Variants in ST6GALNAC5 observed in about 807,000 individuals in gnomAD.
The protein encoded by ST6GALNAC5 is alpha-N-acetylgalactosaminide alpha-2,6-sialyltransferase 5.
A neutral mutation model predicts 33.6 loss-of-function variants in ST6GALNAC5; 27 were observed. The ratio of observed to expected loss-of-function variants is 0.80; its 90% CI spans 0.59 to 1.11. The LOEUF (loss-of-function observed/expected upper bound fraction) is 1.11. ST6GALNAC5 is among the 50% of genes least tolerant of loss of function. The pLI is 0.00. For synonymous variants in ST6GALNAC5, 194 were observed against 171.2 expected, an observed-to-expected ratio of 1.13 and a Z score of -1.04; for missense variants, 428 against 454.0, an observed-to-expected ratio of 0.94 and a Z score of 0.52.
At chr1:77,036,500 C>G (rs1433361510) in intron 2 of ST6GALNAC5, among the ~76,000 whole-genome samples, 1 of 152,166 alleles carries the variant, frequency 6.6e-6, no homozygotes, top group Non-Finnish European at 1.5e-5. Flanking sequence ...TTTCCTGCAC[C>G]TCCCTCTGAA....
intron 3 of ST6GALNAC5, among the ~76,000 whole-genome samples, chr1:77,045,829 T>C (rs567388919): frequency 3.4e-4 from 52 of 152,136 alleles, no homozygotes; most frequent in African/African-American, 1.2e-3. Flanking sequence ...GCTGGACAAA[T>C]CTAGGTGAAG....
At chr1:77,054,163 C>T (rs966992603) in intron 4 of ST6GALNAC5, among the ~76,000 whole-genome samples, 37 of 152,266 alleles carry the variant, frequency 2.4e-4, no homozygotes, top group African/African-American at 8.4e-4. Flanking sequence ...ACTCAGTTGA[C>T]CACAATTAAA....
chr1:76,973,851 C>T (rs1648869394), intron 2 of ST6GALNAC5, among the ~76,000 whole-genome samples: 1 of 152,028 alleles, frequency 6.6e-6, no homozygotes. Flanking sequence ...AAGATGCCAA[C>T]CTTTTCCTAA....
At chr1:76,891,844 C>T (rs1654019872) in intron 2 of ST6GALNAC5, among the ~76,000 whole-genome samples, 1 of 152,106 alleles carries the variant, frequency 6.6e-6, no homozygotes, top group African/African-American at 2.4e-5. Context: ...TCTGCTTTCC[C>T]CTATTCAATT....
chr1:76,974,379 A>T (rs1246579155), intron 2 of ST6GALNAC5, among the ~76,000 whole-genome samples: 2 of 151,672 alleles, frequency 1.3e-5, no homozygotes, highest in Non-Finnish European at 2.9e-5. Context: ...TTGATTTTTT[A>T]AATTTTTTTG....
At chr1:76,872,849 C>G (rs1044779850) in intron 2 of ST6GALNAC5, among the ~76,000 whole-genome samples, 1 of 152,088 alleles carries the variant, frequency 6.6e-6, no homozygotes, top group African/African-American at 2.4e-5. Context: ...ATGATGAAAC[C>G]CTGTTACCAC....
At chr1:76,884,633 C>G (rs1483031759) in intron 2 of ST6GALNAC5, among the ~76,000 whole-genome samples, 1 of 152,100 alleles carries the variant, frequency 6.6e-6, no homozygotes, top group East Asian at 1.9e-4. Context: ...AGAAATGACA[C>G]CAGTTTGCTT....
chr1:76,875,540 G>A (rs540618915), intron 2 of ST6GALNAC5, among the ~76,000 whole-genome samples: 1 of 152,248 alleles, frequency 6.6e-6, no homozygotes, highest in African/African-American at 2.4e-5. Flanking sequence ...TGTCCAGGTG[G>A]CAATCTTAAC....
chr1:77,056,994 T>C (rs1321899321), intron 4 of ST6GALNAC5, among the ~76,000 whole-genome samples: 5 of 152,204 alleles, frequency 3.3e-5, no homozygotes, highest in Non-Finnish European at 7.3e-5. Context: ...AGGAATGTTT[T>C]CTTCTCAATG....
intron 2 of ST6GALNAC5, among the ~76,000 whole-genome samples, chr1:76,948,071 A>G (rs971920572): frequency 1.3e-5 from 2 of 152,164 alleles, no homozygotes; most frequent in African/African-American, 2.4e-5. Flanking sequence ...TTCTACACTC[A>G]AAGTCCAAAA....
intron 2 of ST6GALNAC5, among the ~76,000 whole-genome samples, chr1:77,020,690 T>G (rs1651018814): frequency 6.6e-6 from 1 of 152,218 alleles, no homozygotes; most frequent in African/African-American, 2.4e-5. Context: ...CCTGAGCCAC[T>G]GTGCCCGGCC....
At chr1:76,935,807 G>C (rs1022747663) in intron 2 of ST6GALNAC5, among the ~76,000 whole-genome samples, 1 of 152,022 alleles carries the variant, frequency 6.6e-6, no homozygotes, top group Non-Finnish European at 1.5e-5. Flanking sequence ...TTCAAGGGTT[G>C]CAATTATTAA....
At chr1:76,974,773 C>CTGTTTTTTTT (rs1648931762) in intron 2 of ST6GALNAC5, among the ~76,000 whole-genome samples, 1 of 35,240 alleles carries the variant, frequency 2.8e-5, no homozygotes, top group Non-Finnish European at 4.6e-5. Flanking sequence ...TTCTTTCTTT[C>CTGTTTTTTTT]TTTTTTTTTT....
intron 2 of ST6GALNAC5, among the ~76,000 whole-genome samples, chr1:76,878,715 A>G (rs1229632311): frequency 6.6e-6 from 1 of 152,188 alleles, no homozygotes; most frequent in Non-Finnish European, 1.5e-5. Context: ...TTGAGGGGAC[A>G]GGATTCTCTG....
chr1:76,869,130 G>T, intron 2 of ST6GALNAC5: 1 of 201,678 alleles, frequency 5.0e-6, no homozygotes, highest in South Asian at 1.1e-4. Flanking sequence ...CAGCCTGAGC[G>T]TTCCTCTGAC....
intron 2 of ST6GALNAC5, among the ~76,000 whole-genome samples, chr1:76,999,317 C>A (rs1463222545): frequency 6.6e-6 from 1 of 152,092 alleles, no homozygotes; most frequent in Non-Finnish European, 1.5e-5. Flanking sequence ...CCTGGTTCAT[C>A]AAGAGGCAAG....
chr1:76,902,302 C>T (rs1045152638), intron 2 of ST6GALNAC5, among the ~76,000 whole-genome samples: 1 of 152,132 alleles, frequency 6.6e-6, no homozygotes, highest in South Asian at 2.1e-4. Context: ...TTAAGAATAA[C>T]TATAACAAAA....
chr1:76,942,494 A>G (rs186796517), intron 2 of ST6GALNAC5, among the ~76,000 whole-genome samples: 1 of 152,194 alleles, frequency 6.6e-6, no homozygotes, highest in East Asian at 1.9e-4. Flanking sequence ...CATTTGGTCT[A>G]TGGAGATACT....
rs563105014 is a variant in ST6GALNAC5, at chr1:77,064,733, T to G, written c.*1527T>G. 6.6e-6 allele frequency: 1 copy of G among 152,298 alleles called. No homozygotes were observed. The highest frequency in any genetic ancestry group is 2.1e-4 in the South Asian group (1 of 4,820). The allele number at this position is 152,298 out of a possible 1,614,324, so 9.4% of individuals were successfully genotyped here. On this transcript the variant is annotated 3_prime_UTR_variant, in exon 5 of 5. Transcript: ENST00000477717. ...TACTAGTGTTTTCTTTACACATGAC[T>G]TAGAAGGCATTAGTTTCTCTAATGC...
Sources: allele counts gnomAD v4.1 joint callset (sites outside exome capture counted in the v4.1 genomes callset), GRCh38; gene constraint gnomAD v4.1.1; transcripts MANE v1.5; gene names NCBI Gene and HGNC (gene_info 2026-07-23, HGNC 2026-07-21).